CDC14A: variants seen among roughly 807,000 people sequenced by gnomAD.
CDC14A encodes cell division cycle 14A, also known as dual specificity protein phosphatase CDC14A.
Under a neutral mutation model 74.4 loss-of-function variants are expected in CDC14A, and 53 were observed. That is an observed-to-expected ratio of 0.71 (90% CI 0.57 to 0.89). The LOEUF (loss-of-function observed/expected upper bound fraction) is 0.89, where lower values mean the gene tolerates loss of function less well. Among genes scored for constraint, CDC14A ranks in the 40% least tolerant of loss-of-function variants. The pLI, the probability that CDC14A is intolerant of heterozygous loss-of-function variation, is 0.00. For synonymous variants in CDC14A, 247 were observed against 258.4 expected (o/e 0.96, Z 0.43); for missense variants, 646 against 713.7 (o/e 0.91, Z 1.08).
chr1:100,413,891 G>C (rs1293221364), intron 4 of CDC14A, among the ~76,000 whole-genome samples: 1 of 152,080 alleles, frequency 6.6e-6, no homozygotes, highest in African/African-American at 2.4e-5. Flanking sequence ...ATAATTCAGG[G>C]TTCACTTTAA....
chr1:100,514,181 CT>C (rs535943302), intron 15 of CDC14A, among the ~76,000 whole-genome samples: 2,305 of 12,280 alleles, frequency 0.19, 25 homozygotes, highest in Middle Eastern at 0.5. Flanking sequence ...TTTTCACTTT[CT>C]TTATAACCAT....
At chr1:100,351,098 G>T (rs887771119), upstream of CDC14A, among the ~76,000 whole-genome samples, 8 of 152,120 alleles carry the variant, frequency 5.3e-5, no homozygotes, top group Admixed American at 6.5e-5. Flanking sequence ...GGAGAATGAG[G>T]CACGAGAATC....
chr1:100,519,383 T>G lies in CDC14A; in HGVS notation c.*1103T>G, dbSNP rs916014304. 3 of 152,158 alleles carry G rather than the reference T, an allele frequency of 2.0e-5. No individual in the cohort carries two copies. The highest frequency in any genetic ancestry group is 7.2e-5 in the African/African-American group (3 of 41,456). 9.4% of individuals were successfully genotyped at this position (152,158 alleles called of 1,614,324 possible). ...GGACCCTTATAGGTACTCACAGCCC[T>G]TTCATGTAAGTATGATCTGATATTT... On this transcript the variant is annotated 3_prime_UTR_variant, in exon 16 of 16. Coordinates refer to ENST00000336454, the MANE Select transcript of CDC14A (RefSeq NM_003672.4).
intron 2 of CDC14A, among the ~76,000 whole-genome samples, chr1:100,376,078 C>T (rs1435597451): frequency 6.6e-6 from 1 of 151,904 alleles, no homozygotes; most frequent in East Asian, 1.9e-4. Flanking sequence ...TGTTCTCACT[C>T]ATAGGTGGGA....
At chr1:100,424,481 A>G (rs1159966997) in intron 5 of CDC14A, among the ~76,000 whole-genome samples, 180 bp downstream of exon 5, 1 of 152,214 alleles carries the variant, frequency 6.6e-6, no homozygotes, top group African/African-American at 2.4e-5. Flanking sequence ...TAGCAAGAAT[A>G]AAAGAGCTTT....
chr1:100,415,855 A>C (rs985399855), intron 4 of CDC14A, among the ~76,000 whole-genome samples: 1 of 152,232 alleles, frequency 6.6e-6, no homozygotes, highest in African/African-American at 2.4e-5. Context: ...GCATTTGAGA[A>C]ATGTATAACT....
chr1:100,377,227 A>G (rs1251420621), intron 2 of CDC14A, among the ~76,000 whole-genome samples: 1 of 151,984 alleles, frequency 6.6e-6, no homozygotes, highest in Non-Finnish European at 1.5e-5. Flanking sequence ...TTTAGTAGAG[A>G]TGGGGTTTCT....
intron 8 of CDC14A, among the ~76,000 whole-genome samples, chr1:100,458,110 A>G (rs17122559): frequency 0.012 from 1,887 of 152,288 alleles, 40 homozygotes; most frequent in African/African-American, 0.043. Flanking sequence ...TACATCATCT[A>G]TTTAATGATC....
chr1:100,359,984 C>T (rs1395690614), intron 2 of CDC14A, among the ~76,000 whole-genome samples: 1 of 143,532 alleles, frequency 7.0e-6, no homozygotes, highest in East Asian at 2.0e-4. Context: ...CCTTCTGTTG[C>T]CAGGCTGGAG....
intron 1 of CDC14A, among the ~76,000 whole-genome samples, chr1:100,353,360 ACCC>A (rs1192496959): frequency 6.7e-6 from 1 of 150,084 alleles, no homozygotes; most frequent in Non-Finnish European, 1.5e-5. Flanking sequence ...CCCCAACCAC[ACCC>A]CCCAAGTCTC....
At chr1:100,428,220 G>T (rs1663190677) in intron 5 of CDC14A, among the ~76,000 whole-genome samples, 1 of 152,128 alleles carries the variant, frequency 6.6e-6, no homozygotes. Context: ...AGAGATAGTT[G>T]AATTTCTGGC....
At chr1:100,369,746 A>G (rs980909511) in intron 2 of CDC14A, among the ~76,000 whole-genome samples, 2 of 151,716 alleles carry the variant, frequency 1.3e-5, no homozygotes, top group Non-Finnish European at 2.9e-5. Context: ...CCACTTGTCA[A>G]TGTTTGCTTT....
chr1:100,509,151 C>T (rs1649489289), intron 15 of CDC14A, among the ~76,000 whole-genome samples: 1 of 152,138 alleles, frequency 6.6e-6, no homozygotes, highest in Non-Finnish European at 1.5e-5. Flanking sequence ...ATGCTATGTC[C>T]CCAACTTGGT....
intron 5 of CDC14A, among the ~76,000 whole-genome samples, chr1:100,426,947 A>C (rs1270473133): frequency 2.0e-5 from 3 of 152,238 alleles, no homozygotes; most frequent in Non-Finnish European, 4.4e-5. Context: ...TAGTTGAAAG[A>C]ATACTACTAG....
chr1:100,452,519 A>G (rs886248433), intron 7 of CDC14A, among the ~76,000 whole-genome samples: 2 of 152,192 alleles, frequency 1.3e-5, no homozygotes, highest in East Asian at 3.8e-4. Context: ...TCCAGATAAA[A>G]AAAAGGAATT....
At position 100,379,397 on chromosome 1, in the gene CDC14A, G is replaced by C. The variant is rs1655772092; in HGVS notation, c.216+1776G>C. Reference sequence around the variant, plus strand: ...TTGGTTGTCTGGAATGACATATGTAGCTTTAGGACAATTAATGGGCACTGC... The same window carrying C: ...TTGGTTGTCTGGAATGACATATGTACCTTTAGGACAATTAATGGGCACTGC... On this transcript the variant is annotated intron_variant, in intron 3 of 15. Transcript: ENST00000336454. 1.3e-5 allele frequency among the ~76,000 whole-genome samples: 2 copies of C among 152,284 alleles called. 1 individual carries two copies. The highest frequency in any genetic ancestry group is 4.1e-4 in the South Asian group (2 of 4,826).
intron 7 of CDC14A, among the ~76,000 whole-genome samples, chr1:100,447,048 T>C (rs1665626604): frequency 6.6e-6 from 1 of 152,192 alleles, no homozygotes; most frequent in Non-Finnish European, 1.5e-5. Context: ...ACTAGCCATA[T>C]TTCAAGTGCA....
At chr1:100,463,492 G>GA (rs1278964864) in intron 9 of CDC14A, among the ~76,000 whole-genome samples, 1 of 152,176 alleles carries the variant, frequency 6.6e-6, no homozygotes, top group Non-Finnish European at 1.5e-5. Context: ...ATCTCTGGGG[G>GA]TGGATACTTT....
chr1:100,411,180 T>G (rs1439868482), intron 4 of CDC14A, among the ~76,000 whole-genome samples: 4 of 152,194 alleles, frequency 2.6e-5, no homozygotes, highest in African/African-American at 9.7e-5. Flanking sequence ...AAGAGCCTCC[T>G]ATATTATTGG....
Sources: allele counts gnomAD v4.1 joint callset (sites outside exome capture counted in the v4.1 genomes callset), GRCh38; gene constraint gnomAD v4.1.1; transcripts MANE v1.5; gene names NCBI Gene and HGNC (gene_info 2026-07-23, HGNC 2026-07-21).